Variants in GRB10 observed in about 807,000 individuals in gnomAD.
GRB10 encodes growth factor receptor bound protein 10.
In GRB10, 20 loss-of-function variants were observed where a neutral mutation model predicts 80.9. The ratio of observed to expected loss-of-function variants is 0.25; its 90% CI spans 0.17 to 0.36. The LOEUF (loss-of-function observed/expected upper bound fraction) is 0.36, where lower values mean the gene tolerates loss of function less well. Ranked by LOEUF, GRB10 falls within the 10% of genes least tolerant of loss-of-function variation. The pLI is 1.00. For missense variants in GRB10, 548 were observed against 747.7 expected, an observed-to-expected ratio of 0.73 and a Z score of 3.12; for synonymous variants, 291 against 291.5, an observed-to-expected ratio of 1.00 and a Z score of 0.02.
At chr7:50,671,855 A>AC (rs1472074366) in intron 6 of GRB10, among the ~76,000 whole-genome samples, 1 of 152,248 alleles carries the variant, frequency 6.6e-6, no homozygotes, top group Non-Finnish European at 1.5e-5. Flanking sequence ...CTAAGGCAAG[A>AC]CTAAGGGATA....
chr7:50,701,367 T>G (rs1172744738), intron 5 of GRB10, among the ~76,000 whole-genome samples: 1 of 152,094 alleles, frequency 6.6e-6, no homozygotes, highest in Non-Finnish European at 1.5e-5. Context: ...GTGGTCGACA[T>G]GGGAGGATAG....
chr7:50,613,160 C>G (rs772993870), intron 12 of GRB10, among the ~76,000 whole-genome samples: 1 of 152,188 alleles, frequency 6.6e-6, no homozygotes, highest in Non-Finnish European at 1.5e-5. Flanking sequence ...CACAATAGGA[C>G]AAAGAGGAAG....
chr7:50,674,948 C>T (rs2060760249), intron 5 of GRB10, among the ~76,000 whole-genome samples: 1 of 152,138 alleles, frequency 6.6e-6, no homozygotes, highest in Admixed American at 6.5e-5. Context: ...CCTTCAGCAC[C>T]CCCTTCTCTC....
chr7:50,788,888 G>T (rs1300728915), intron 1 of GRB10, among the ~76,000 whole-genome samples: 1 of 152,206 alleles, frequency 6.6e-6, no homozygotes, highest in East Asian at 1.9e-4. Context: ...GGCTCCACAG[G>T]CCTGGAGACC....
At chr7:50,713,634 C>T in intron 4 of GRB10, among the ~76,000 whole-genome samples, 1 of 129,122 alleles carries the variant, frequency 7.7e-6, no homozygotes, top group East Asian at 2.2e-4. Flanking sequence ...CCACCATCAC[C>T]TCCACCTCCC....
chr7:50,736,285 C>T (rs2070780638), intron 3 of GRB10, among the ~76,000 whole-genome samples: 1 of 151,608 alleles, frequency 6.6e-6, no homozygotes, highest in Non-Finnish European at 1.5e-5. Context: ...GACTTCATCT[C>T]AAAAAAACAA....
intron 3 of GRB10, among the ~76,000 whole-genome samples, chr7:50,753,232 G>A (rs2074452203): frequency 6.6e-6 from 1 of 152,220 alleles, no homozygotes; most frequent in Admixed American, 6.5e-5. Context: ...GCTCTTCTCA[G>A]ACTCTATTAT....
intron 3 of GRB10, among the ~76,000 whole-genome samples, chr7:50,736,084 G>A (rs1163905035): frequency 1.3e-5 from 2 of 151,978 alleles, no homozygotes; most frequent in South Asian, 2.1e-4. Flanking sequence ...TCAAGAGTTC[G>A]AGATCAGCCT....
At position 50,755,936 on chromosome 7, in the gene GRB10, C is replaced by T. The variant is rs2075014274; in HGVS notation, c.-96G>A. 2 of 398,680 alleles carry T rather than the reference C, an allele frequency of 5.0e-6. No individual in the cohort carries two copies. The highest frequency in any genetic ancestry group is 4.1e-5 in the African/African-American group (2 of 48,638). 24.7% of individuals were successfully genotyped at this position (398,680 alleles called of 1,614,324 possible). A position where few individuals can be genotyped will look rare whatever the true frequency, so the allele number is the denominator to read the frequency against. ...CTGTCTGCTGGGGCGGCCACCCTGG[C>T]TTCACTGAGAGGACCCAGGTGAGGA... On this transcript the variant is annotated 5_prime_UTR_variant, in exon 3 of 19. Transcript: ENST00000401949.
chr7:50,649,646 G>A (rs1259746069), intron 7 of GRB10, among the ~76,000 whole-genome samples: 1 of 152,208 alleles, frequency 6.6e-6, no homozygotes, highest in Non-Finnish European at 1.5e-5. Flanking sequence ...GATGATATGA[G>A]GCAAGGTGAG....
chr7:50,699,769 G>A (rs1007886401), intron 5 of GRB10, among the ~76,000 whole-genome samples: 1 of 151,438 alleles, frequency 6.6e-6, no homozygotes, highest in African/African-American at 2.4e-5. Flanking sequence ...GTATGAATTG[G>A]AGATCTCGTC....
At chr7:50,616,452 T>C in intron 10 of GRB10, 105 bp from the exon 11 acceptor site, 1 of 1,075,000 alleles carries the variant, frequency 9.3e-7, no homozygotes, top group Non-Finnish European at 1.4e-6. Context: ...AAAAGACTCC[T>C]TTTTGGATCA....
chr7:50,608,560 T>C (rs1449900938), intron 13 of GRB10, among the ~76,000 whole-genome samples: 1 of 152,216 alleles, frequency 6.6e-6, no homozygotes, highest in Non-Finnish European at 1.5e-5. Flanking sequence ...TTTATATATA[T>C]GACAAGAATC....
intron 4 of GRB10, chr7:50,727,132 C>T (rs1297054198): frequency 1.3e-5 from 2 of 152,174 alleles, no homozygotes; most frequent in African/African-American, 4.8e-5. Flanking sequence ...AGGCTGAAGA[C>T]AAGGGAAGTA....
At chr7:50,734,881 CCT>C (rs1457482968) in intron 3 of GRB10, among the ~76,000 whole-genome samples, 1 of 152,164 alleles carries the variant, frequency 6.6e-6, no homozygotes, top group Non-Finnish European at 1.5e-5. Flanking sequence ...AAGCTTCTCC[CCT>C]GAGATCAGGA....
At chr7:50,729,022 C>T (rs938610472) in intron 4 of GRB10, among the ~76,000 whole-genome samples, 1 of 152,140 alleles carries the variant, frequency 6.6e-6, no homozygotes, top group Non-Finnish European at 1.5e-5. Context: ...AAGCCCTGCA[C>T]TAGAAGAGTA....
rs1185896001 is a variant in GRB10, at chr7:50,616,278, A to T, written c.916T>A (p.Ser306Thr). 1.9e-6 allele frequency: 3 copies of T among 1,614,046 alleles called. No individual in the cohort carries two copies. Among genetic ancestry groups the T allele is most frequent in the Non-Finnish European group, 2.5e-6 (3 of 1,180,006 alleles). ...AAACACACATACAGCTTTTTCCATG[A>T]TTTCTTTCCCAGCTCTTTCACATGC... ...FLHVKELGKK[S>T]WKKLYVCLRR... is the part of the protein sequence containing the mutation. The change falls in exon 11 of 19, where the codon TCA (serine) becomes ACA (threonine). Residue 306 changes from serine (S) to threonine (T), a missense_variant. By Grantham distance (58) the Ser-to-Thr change is moderately conservative (BLOSUM62 1). This residue lies in a region of GRB10 where 270 missense variants were observed against 433.6 expected (regional missense o/e 0.62). Transcript: ENST00000401949.
At chr7:50,596,919 G>T (rs1171855608) in intron 17 of GRB10, among the ~76,000 whole-genome samples, 1 of 152,144 alleles carries the variant, frequency 6.6e-6, no homozygotes, top group East Asian at 1.9e-4. Flanking sequence ...TAGCTGAAAA[G>T]ATAGTTATAC....
At chr7:50,659,540 G>T (rs1325460643) in intron 7 of GRB10, among the ~76,000 whole-genome samples, 1 of 152,234 alleles carries the variant, frequency 6.6e-6, no homozygotes, top group Non-Finnish European at 1.5e-5. Context: ...TGGACGCAGG[G>T]CTGCTCCCAG....
Sources: allele counts gnomAD v4.1 joint callset (sites outside exome capture counted in the v4.1 genomes callset), GRCh38; gene constraint gnomAD v4.1.1; regional missense constraint gnomAD v4.1.1; transcripts MANE v1.5; gene names NCBI Gene and HGNC (gene_info 2026-07-23, HGNC 2026-07-21).